Variants in DYNC2LI1 observed in about 807,000 individuals in gnomAD.
The protein encoded by DYNC2LI1 is cytoplasmic dynein 2 light intermediate chain 1.
DYNC2LI1 carries 45 observed loss-of-function variants against 51.9 expected under a neutral mutation model. The ratio of observed to expected loss-of-function variants is 0.87; its 90% CI spans 0.68 to 1.11. DYNC2LI1 has a LOEUF of 1.11. DYNC2LI1 is among the 50% of genes most tolerant of loss of function. DYNC2LI1 has a pLI of 0.00. For synonymous variants in DYNC2LI1, 130 were observed against 137.8 expected (o/e 0.94, Z 0.40); for missense variants, 490 against 417.4 (o/e 1.17, Z -1.51).
downstream of DYNC2LI1, chr2:43,812,700 C>T (rs2278357): frequency 0.2 from 41,149 of 202,312 alleles, 5,029 homozygotes; most frequent in African/African-American, 0.34. Context: ...CCACAACTCT[C>T]TTTCTCTGTC....
At position 43,774,043 on chromosome 2, in the gene DYNC2LI1, G is replaced by A; in HGVS notation, c.-96G>A. The stretch of plus-strand genomic sequence containing the variant: ...ACGTCGCTCCCATGGCAACCCAGAA[G>A]GCCTCACTCCCAGACTCCTTGCGGA... On this transcript the variant is annotated 5_prime_UTR_variant, in exon 1 of 13. Transcript: ENST00000260605. 1 of 1,536,466 alleles carries A rather than the reference G, an allele frequency of 6.5e-7. No individual in the cohort carries two copies.
chr2:43,794,692 G>A, intron 6 of DYNC2LI1, 49 bp downstream of exon 6: 1 of 1,613,612 alleles, frequency 6.2e-7, no homozygotes, highest in Non-Finnish European at 8.5e-7. Context: ...CCCATTTATA[G>A]TTAATGATAA....
intron 5 of DYNC2LI1, chr2:43,792,616 T>A (rs1209947563): frequency 3.4e-6 from 5 of 1,472,424 alleles, no homozygotes; most frequent in Non-Finnish European, 4.5e-6. Context: ...AACTTTTTGA[T>A]CTTCTCAAAC....
intron 5 of DYNC2LI1, chr2:43,792,780 AT>A: frequency 1.9e-6 from 3 of 1,540,412 alleles, no homozygotes; most frequent in Non-Finnish European, 2.6e-6. Flanking sequence ...TATTTATTTC[AT>A]TTAGCATAAC....
chr2:43,821,407 C>T, the DYNC2LI1 span, among the ~76,000 whole-genome samples: 160 of 152,312 alleles, frequency 1.1e-3, no homozygotes, highest in African/African-American at 3.8e-3. Context: ...ACCTAATCTG[C>T]ATCACTCACC....
chr2:43,817,703 A>G, the DYNC2LI1 span, among the ~76,000 whole-genome samples: 1 of 152,084 alleles, frequency 6.6e-6, no homozygotes, highest in Non-Finnish European at 1.5e-5. Context: ...TGAGGTCAGG[A>G]GTTTGAGACC....
chr2:43,814,335 A>G (rs1158878669), downstream of DYNC2LI1: 3 of 640,890 alleles, frequency 4.7e-6, no homozygotes, highest in African/African-American at 3.7e-5. Context: ...AAAATCAGAG[A>G]AAATGTTGGA....
At chr2:43,800,772 ATATT>A in intron 8 of DYNC2LI1, 65 bp from the exon 9 acceptor site, 1 of 806,984 alleles carries the variant, frequency 1.2e-6, no homozygotes. Context: ...GTTCAAAGCC[ATATT>A]TATTTTACCT....
At chr2:43,787,375 T>C (rs1673574353) in intron 4 of DYNC2LI1, 125 bp downstream of exon 4, 1 of 741,984 alleles carries the variant, frequency 1.3e-6, no homozygotes, top group African/African-American at 1.8e-5. Flanking sequence ...TTCGTAGCTG[T>C]CTACCATTAA....
intron 5 of DYNC2LI1, chr2:43,794,157 A>G (rs1190317427): frequency 4.2e-6 from 1 of 240,828 alleles, no homozygotes; most frequent in Non-Finnish European, 8.0e-6. Flanking sequence ...CTGGATGTAA[A>G]CGTGGCATTG....
the DYNC2LI1 span, among the ~76,000 whole-genome samples, chr2:43,817,316 C>T: frequency 1.3e-5 from 2 of 151,866 alleles, no homozygotes; most frequent in Non-Finnish European, 2.9e-5. Flanking sequence ...GAAACCTCAT[C>T]TCTACCAAAA....
downstream of DYNC2LI1, among the ~76,000 whole-genome samples, chr2:43,813,709 G>GTTTTTTTTTTT (rs1214033245): frequency 3.8e-4 from 13 of 34,064 alleles, no homozygotes; most frequent in East Asian, 7.2e-4. Flanking sequence ...TTTTTTTTTC[G>GTTTTTTTTTTT]TTTTTTTTTT....
intron 7 of DYNC2LI1, 146 bp downstream of exon 7, chr2:43,796,104 A>G: frequency 1.6e-6 from 1 of 642,830 alleles, no homozygotes. Flanking sequence ...TGGAAAAGAC[A>G]TAGTTGGGAC....
intron 3 of DYNC2LI1, among the ~76,000 whole-genome samples, chr2:43,785,107 G>T (rs1187011172): frequency 6.6e-6 from 1 of 151,966 alleles, no homozygotes; most frequent in Non-Finnish European, 1.5e-5. Context: ...AGACCAGCTT[G>T]GCCAACATAG....
At position 43,789,629 on chromosome 2, in the gene DYNC2LI1, T is replaced by G; in HGVS notation, c.232-4T>G. ...TCAAAAAATCAAAAATTTTTGTTTT[T>G]CAGCCAAAAGATATCGCTCACTTTT... On this transcript the variant is annotated splice_region_variant and splice_polypyrimidine_tract_variant and intron_variant, in intron 4 of 12. Transcript: ENST00000260605. 6.2e-7 allele frequency: 1 copy of G among 1,612,388 alleles called. No homozygotes were observed. Among genetic ancestry groups the G allele is most frequent in the Non-Finnish European group, 8.5e-7 (1 of 1,179,512 alleles).
At chr2:43,827,919 A>G in the DYNC2LI1 span, 1 of 1,606,934 alleles carries the variant, frequency 6.2e-7, no homozygotes, top group Non-Finnish European at 8.5e-7. Context: ...AAGGGCCCAA[A>G]GTATCTGCAC....
the DYNC2LI1 span, chr2:43,820,138 G>C: frequency 6.3e-7 from 1 of 1,593,628 alleles, no homozygotes. Flanking sequence ...CTCTCCAAGG[G>C]CTATCATTTA....
At chr2:43,775,679 C>CTTTTTT (rs1558658267) in intron 1 of DYNC2LI1, 1 of 376,786 alleles carries the variant, frequency 2.7e-6, no homozygotes, top group African/African-American at 2.4e-5. Context: ...TTTTCTTTTT[C>CTTTTTT]TTTTTTTATT....
the DYNC2LI1 span, chr2:43,822,834 C>T: frequency 8.1e-6 from 13 of 1,614,012 alleles, 1 homozygote; most frequent in South Asian, 2.2e-5. Flanking sequence ...GTGGCAACAA[C>T]GCTGAAGGGG....
Sources: gnomAD v4.1 joint callset for allele counts (sites outside exome capture counted in the v4.1 genomes callset) on GRCh38, gnomAD v4.1.1 for gene constraint, MANE v1.5 for transcripts, NCBI Gene and HGNC (gene_info 2026-07-23, HGNC 2026-07-21) for gene names.